REPS2: variants seen among roughly 807,000 people sequenced by gnomAD.
The protein encoded by REPS2 is RALBP1 associated Eps domain containing 2.
Under a neutral mutation model 53.6 loss-of-function variants are expected in REPS2, and 23 were observed. The ratio of observed to expected loss-of-function variants is 0.43; its 90% CI spans 0.31 to 0.61. The LOEUF (loss-of-function observed/expected upper bound fraction) is 0.61. Ranked by LOEUF, REPS2 falls within the 20% of genes least tolerant of loss-of-function variation. The pLI is 0.11. For missense variants in REPS2, 446 were observed against 534.9 expected, an observed-to-expected ratio of 0.83 and a Z score of 1.64; for synonymous variants, 238 against 218.6, an observed-to-expected ratio of 1.09 and a Z score of -0.78.
At chrX:17,161,044 T>G in the REPS2 span, among the ~76,000 whole-genome samples, 2 of 111,703 alleles carry the variant, frequency 1.8e-5, no homozygotes, top group South Asian at 7.6e-4. Context: ...ATGTGGAACT[T>G]TTGAACTAGT....
intron 1 of REPS2, among the ~76,000 whole-genome samples, chrX:16,965,891 C>T (rs770115712): frequency 2.8e-4 from 32 of 112,828 alleles, no homozygotes; most frequent in South Asian, 3.6e-4. Flanking sequence ...GCGGGTCACT[C>T]GCGGTTAGGA....
intron 13 of REPS2, among the ~76,000 whole-genome samples, chrX:17,079,404 C>T (rs1655112380): frequency 8.9e-6 from 1 of 111,781 alleles, no homozygotes; most frequent in Non-Finnish European, 1.9e-5. Context: ...GGACTGAACC[C>T]CAGTTGCCTG....
chrX:17,172,975 ATGTGTG>A, the REPS2 span, among the ~76,000 whole-genome samples: 14 of 99,293 alleles, frequency 1.4e-4, no homozygotes, highest in Admixed American at 7.9e-4. Flanking sequence ...GTGTGTATGT[ATGTGTG>A]TGTGTGTGTG....
At chrX:16,974,217 G>T (rs1456379893) in intron 1 of REPS2, among the ~76,000 whole-genome samples, 1 of 111,445 alleles carries the variant, frequency 9.0e-6, no homozygotes, top group African/African-American at 3.3e-5. Flanking sequence ...ATCAAGTCCA[G>T]GATCATGTAT....
chrX:17,077,952 C>A (rs1276631405), intron 13 of REPS2, among the ~76,000 whole-genome samples: 1 of 112,206 alleles, frequency 8.9e-6, no homozygotes. Context: ...AGGTGGGCTG[C>A]TCTGGGCTTC....
the REPS2 span, among the ~76,000 whole-genome samples, chrX:17,169,383 A>G: frequency 8.9e-6 from 1 of 111,867 alleles, no homozygotes; most frequent in Non-Finnish European, 1.9e-5. Context: ...TTCAGTAGGT[A>G]AAGAAGCACT....
In REPS2 at chrX:17,057,906, A is replaced by G. The variant is rs1237514422; in HGVS notation, c.1114+2956A>G. Among the ~76,000 whole-genome samples the G allele has an allele frequency of 3.6e-5, 4 of 112,101 alleles. No homozygotes were observed. The East Asian group carries it at 1.1e-3, about 32-fold the overall frequency. The stretch of plus-strand genomic sequence containing the variant: ...TTGTCTCTCTCTAAAGGGAATTAAT[A>G]GCTGGCAAAGGGCCAAGTTCTGTTC... On this transcript the variant is annotated intron_variant, in intron 8 of 17. Transcript: ENST00000357277.
intron 1 of REPS2, chrX:16,978,663 C>T (rs1186329812): frequency 2.0e-6 from 1 of 498,805 alleles, no homozygotes; most frequent in South Asian, 1.0e-4. Flanking sequence ...GGCACAGAAT[C>T]CCAGCCTCCA....
At chrX:17,046,584 C>G (rs758808244) in intron 5 of REPS2, among the ~76,000 whole-genome samples, 2 of 112,059 alleles carry the variant, frequency 1.8e-5, no homozygotes, top group African/African-American at 6.5e-5. Context: ...GCCCACGCCT[C>G]CCCCTAGCAT....
intron 1 of REPS2, among the ~76,000 whole-genome samples, chrX:16,967,984 T>C (rs922256054): frequency 1.6e-4 from 18 of 111,057 alleles, no homozygotes; most frequent in Admixed American, 1.6e-3. Flanking sequence ...CAGAGGACTC[T>C]GCGGCCTTCC....
At chrX:17,082,219 G>A (rs774334436) in intron 13 of REPS2, among the ~76,000 whole-genome samples, 13 of 110,999 alleles carry the variant, frequency 1.2e-4, no homozygotes, top group African/African-American at 4.4e-4. Context: ...CCTGGCAGAA[G>A]GGGCAGAGAT....
At chrX:17,017,905 G>A (rs2061519744) in intron 2 of REPS2, among the ~76,000 whole-genome samples, 1 of 111,664 alleles carries the variant, frequency 9.0e-6, no homozygotes, top group Non-Finnish European at 1.9e-5. Flanking sequence ...GAAAAAAAAT[G>A]TAAAATATTT....
chrX:17,191,788 G>C, the REPS2 span, among the ~76,000 whole-genome samples: 1 of 112,612 alleles, frequency 8.9e-6, no homozygotes, highest in African/African-American at 3.2e-5. Flanking sequence ...GCAACATACT[G>C]TGTGATTCCA....
chrX:17,182,692 G>A, the REPS2 span, among the ~76,000 whole-genome samples: 4 of 112,130 alleles, frequency 3.6e-5, no homozygotes, highest in South Asian at 3.7e-4. Flanking sequence ...GTTATTTTGC[G>A]TCTTTCAAAT....
downstream of REPS2, among the ~76,000 whole-genome samples, chrX:17,155,062 T>A (rs925995397): frequency 2.6e-4 from 29 of 112,434 alleles, no homozygotes; most frequent in African/African-American, 9.0e-4. Flanking sequence ...GTGGATGTAA[T>A]AGATGGTGTC....
the REPS2 span, among the ~76,000 whole-genome samples, chrX:17,160,156 T>C: frequency 8.9e-6 from 1 of 112,330 alleles, no homozygotes; most frequent in African/African-American, 3.2e-5. Context: ...ACTGAGGAGA[T>C]TTCCAAGCAA....
chrX:17,158,873 G>C, the REPS2 span, among the ~76,000 whole-genome samples: 1 of 111,844 alleles, frequency 8.9e-6, no homozygotes, highest in Admixed American at 9.5e-5. Flanking sequence ...AAGAATGAAA[G>C]AGGCTTTAAC....
chrX:17,012,238 G>A (rs1025426909), intron 2 of REPS2, among the ~76,000 whole-genome samples: 1 of 109,840 alleles, frequency 9.1e-6, no homozygotes, highest in Non-Finnish European at 1.9e-5. Flanking sequence ...AATTAGCTGG[G>A]CGTGGTGACA....
At chrX:17,102,081 ATT>A (rs2062815435) in intron 13 of REPS2, among the ~76,000 whole-genome samples, 1 of 26,917 alleles carries the variant, frequency 3.7e-5, no homozygotes, top group Non-Finnish European at 7.3e-5. Context: ...ATGTTATGTT[ATT>A]TTATTTTATT....
Sources: allele counts gnomAD v4.1 joint callset (sites outside exome capture counted in the v4.1 genomes callset), GRCh38; gene constraint gnomAD v4.1.1; transcripts MANE v1.5; gene names NCBI Gene and HGNC (gene_info 2026-07-23, HGNC 2026-07-21).